Variants in TSPAN18 observed in about 807,000 individuals in gnomAD.
The protein encoded by TSPAN18 is tetraspanin 18.
A neutral mutation model predicts 27.3 loss-of-function variants in TSPAN18; 14 were observed. That is an observed-to-expected ratio of 0.51 (90% confidence interval 0.34 to 0.80). The LOEUF (loss-of-function observed/expected upper bound fraction) is 0.80. Among genes scored for constraint, TSPAN18 ranks in the 30% least tolerant of loss-of-function variants. The pLI, the probability that TSPAN18 is intolerant of heterozygous loss-of-function variation, is 0.01. For missense variants in TSPAN18, 268 were observed against 323.9 expected, an observed-to-expected ratio of 0.83 and a Z score of 1.32; for synonymous variants, 143 against 136.5, an observed-to-expected ratio of 1.05 and a Z score of -0.33.
rs1015124584 is a variant in TSPAN18 at position 44,879,198 on chromosome 11, GGTT to G, written c.-11+18730_-11+18732del. Among the ~76,000 whole-genome samples the G allele has an allele frequency of 1.5e-4, 23 of 152,086 alleles. 1 individual carries two copies. The highest frequency in any genetic ancestry group is 4.4e-5 in the Non-Finnish European group (3 of 68,018). ...CACGTTTCAGCAGAGTTTTAGCAAG[GGTT>G]AAATCAGAAATGTGTGAAAGAAGCC... On this transcript the variant is annotated intron_variant, in intron 3 of 9. Coordinates refer to ENST00000520358, the MANE Select transcript of TSPAN18 (RefSeq NM_130783.5).
At chr11:44,741,234 A>C (rs1297101323) in intron 1 of TSPAN18, among the ~76,000 whole-genome samples, 1 of 152,252 alleles carries the variant, frequency 6.6e-6, no homozygotes, top group African/African-American at 2.4e-5. Flanking sequence ...GATGATATGC[A>C]TAACATTTCC....
At chr11:44,899,587 AGG>A (rs1015968775) in intron 3 of TSPAN18, among the ~76,000 whole-genome samples, 126 of 152,226 alleles carry the variant, frequency 8.3e-4, no homozygotes, top group African/African-American at 2.8e-3. Context: ...GCGGGGCAGG[AGG>A]GAGGAACAGA....
intron 1 of TSPAN18, among the ~76,000 whole-genome samples, chr11:44,740,716 T>C (rs534980833): frequency 6.6e-6 from 1 of 152,322 alleles, no homozygotes; most frequent in South Asian, 2.1e-4. Flanking sequence ...GAGGGAGCAC[T>C]GGACTGCGAG....
chr11:44,882,627 C>CACACACACACACACAG lies in TSPAN18; in HGVS notation c.-11+22159_-11+22160insCACACACACACACAGA, dbSNP rs375349718. ...ACACACACACACACACACACACACA[C>CACACACACACACACAG]AGAGAGAGAGCATGTGCGTGCATGT... On this transcript the variant is annotated intron_variant, in intron 3 of 9. Transcript: ENST00000520358. 7.3e-3 allele frequency among the ~76,000 whole-genome samples: 950 copies of CACACACACACACACAG among 130,588 alleles called. 17 individuals are homozygous for CACACACACACACACAG. Among genetic ancestry groups the CACACACACACACACAG allele is most frequent in the African/African-American group, 0.027 (894 of 33,174 alleles). The allele number at this position is 130,588 out of a possible 152,430, so 85.7% of individuals were successfully genotyped here. A position where few individuals can be genotyped will look rare whatever the true frequency, so the allele number is the denominator to read the frequency against.
chr11:44,868,880 C>T (rs1858112678), intron 3 of TSPAN18, among the ~76,000 whole-genome samples: 1 of 152,194 alleles, frequency 6.6e-6, no homozygotes, highest in African/African-American at 2.4e-5. Flanking sequence ...TCCAATGCAT[C>T]CACTGCTGGT....
intron 5 of TSPAN18, among the ~76,000 whole-genome samples, chr11:44,916,475 C>T (rs1859913942): frequency 6.6e-6 from 1 of 152,186 alleles, no homozygotes; most frequent in Non-Finnish European, 1.5e-5. Context: ...TCCCCTTCTG[C>T]ACATGAGAGC....
At chr11:44,805,204 G>A (rs1198116602) in intron 2 of TSPAN18, among the ~76,000 whole-genome samples, 2 of 152,182 alleles carry the variant, frequency 1.3e-5, no homozygotes, top group African/African-American at 2.4e-5. Context: ...ATGCCTGGGT[G>A]AGTCTCCTTG....
At chr11:44,734,780 C>G (rs908960459) in intron 1 of TSPAN18, among the ~76,000 whole-genome samples, 1 of 152,208 alleles carries the variant, frequency 6.6e-6, no homozygotes, top group Non-Finnish European at 1.5e-5. Context: ...GAGAGGCTCC[C>G]CCACCCCACC....
At position 44,919,241 on chromosome 11, in the gene TSPAN18, C is replaced by A; in HGVS notation, c.361C>A (p.Leu121Ile). The A allele has an allele frequency of 6.2e-7, 1 of 1,614,128 alleles. No homozygotes were observed. Among genetic ancestry groups the A allele is most frequent in the Non-Finnish European group, 8.5e-7 (1 of 1,179,992 alleles). Reference sequence around the variant, plus strand: ...CACCCGAGAATTCTTCACCAAGGAGCTCACCAAGCACTACCAGGGCAATAA... The same window carrying A: ...CACCCGAGAATTCTTCACCAAGGAGATCACCAAGCACTACCAGGGCAATAA... ...NLTREFFTKE[L>I]TKHYQGNNDT... The change falls in exon 7 of 10, where the codon CTC (leucine) becomes ATC (isoleucine). Residue 121 changes from leucine to isoleucine, a missense_variant. Leu to Ile is a conservative substitution (Grantham distance 5, BLOSUM62 2). Transcript: ENST00000520358.
chr11:44,835,673 A>G (rs1465447074), intron 2 of TSPAN18, among the ~76,000 whole-genome samples: 1 of 152,192 alleles, frequency 6.6e-6, no homozygotes, highest in Non-Finnish European at 1.5e-5. Context: ...TGTTACAGGC[A>G]TACCTGGTTT....
chr11:44,897,171 GTC>G (rs1391721823), intron 3 of TSPAN18, among the ~76,000 whole-genome samples: 3 of 152,196 alleles, frequency 2.0e-5, no homozygotes, highest in Non-Finnish European at 4.4e-5. Flanking sequence ...TAGAACAGGA[GTC>G]TCCATATGGG....
At chr11:44,866,420 C>T (rs1858037456) in intron 3 of TSPAN18, among the ~76,000 whole-genome samples, 1 of 152,190 alleles carries the variant, frequency 6.6e-6, no homozygotes, top group Non-Finnish European at 1.5e-5. Flanking sequence ...GGCTGCTGGA[C>T]TTGAGCCCAC....
intron 2 of TSPAN18, among the ~76,000 whole-genome samples, chr11:44,779,417 G>T (rs1855886725): frequency 6.6e-6 from 1 of 152,168 alleles, no homozygotes; most frequent in Admixed American, 6.5e-5. Flanking sequence ...CCTGCTCTGG[G>T]CAGGAGTGAC....
intron 3 of TSPAN18, among the ~76,000 whole-genome samples, chr11:44,879,571 G>A (rs1031416444): frequency 6.6e-6 from 1 of 152,252 alleles, no homozygotes; most frequent in Admixed American, 6.5e-5. Context: ...CAGTAGGATC[G>A]GCAGGTGCCA....
chr11:44,820,046 G>T (rs1243066812), intron 2 of TSPAN18, among the ~76,000 whole-genome samples: 3 of 152,136 alleles, frequency 2.0e-5, no homozygotes, highest in African/African-American at 7.2e-5. Context: ...CAGGGCTTAA[G>T]GAAATCCAAG....
At chr11:44,753,839 G>T (rs1855268712) in intron 1 of TSPAN18, among the ~76,000 whole-genome samples, 1 of 152,182 alleles carries the variant, frequency 6.6e-6, no homozygotes, top group African/African-American at 2.4e-5. Context: ...CACCTCTCAT[G>T]CAGGGTGACA....
At chr11:44,776,207 G>A (rs1855803928) in intron 2 of TSPAN18, among the ~76,000 whole-genome samples, 1 of 152,146 alleles carries the variant, frequency 6.6e-6, no homozygotes, top group African/African-American at 2.4e-5. Flanking sequence ...AGCCACCCTG[G>A]GCCGGGACTC....
At chr11:44,775,504 A>G (rs1052646898) in intron 2 of TSPAN18, among the ~76,000 whole-genome samples, 4 of 152,100 alleles carry the variant, frequency 2.6e-5, no homozygotes, top group African/African-American at 9.7e-5. Context: ...AGGTCACCGA[A>G]TCCCTATAGG....
intron 2 of TSPAN18, among the ~76,000 whole-genome samples, chr11:44,817,423 G>A (rs1045863538): frequency 6.6e-6 from 1 of 152,236 alleles, no homozygotes; most frequent in Admixed American, 6.5e-5. Flanking sequence ...CTTGGCTGCA[G>A]GTTGTGTTGA....
Sources: gnomAD v4.1 joint callset for allele counts (sites outside exome capture counted in the v4.1 genomes callset) on GRCh38, gnomAD v4.1.1 for gene constraint, MANE v1.5 for transcripts, NCBI Gene and HGNC (gene_info 2026-07-23, HGNC 2026-07-21) for gene names.